Variants in FOCAD observed in about 807,000 individuals in gnomAD.
The protein encoded by FOCAD is focadhesin.
A neutral mutation model predicts 225.6 loss-of-function variants in FOCAD; 198 were observed. The ratio of observed to expected loss-of-function variants is 0.88; its 90% CI spans 0.78 to 0.99. The LOEUF is 0.99. Among genes scored for constraint, FOCAD ranks in the 50% least tolerant of loss-of-function variants. The pLI is 0.00. For missense variants in FOCAD, 2,713 were observed against 2,123.6 expected, an observed-to-expected ratio of 1.28 and a Z score of -5.46; for synonymous variants, 897 against 755.0, an observed-to-expected ratio of 1.19 and a Z score of -3.08.
chr9:20,742,537 T>C (rs1005102247), intron 5 of FOCAD, among the ~76,000 whole-genome samples: 3 of 152,198 alleles, frequency 2.0e-5, no homozygotes, highest in African/African-American at 7.2e-5. Flanking sequence ...TTGGACTCCA[T>C]CTAAGAGTGC....
At chr9:20,902,688 A>G (rs1832655696) in intron 21 of FOCAD, among the ~76,000 whole-genome samples, 1 of 151,948 alleles carries the variant, frequency 6.6e-6, no homozygotes, top group Admixed American at 6.6e-5. Flanking sequence ...AGATAGGACT[A>G]AACCAATAAA....
chr9:20,826,337 C>T (rs1824887639), intron 15 of FOCAD, among the ~76,000 whole-genome samples: 1 of 152,038 alleles, frequency 6.6e-6, no homozygotes, highest in African/African-American at 2.4e-5. Flanking sequence ...CATCTTTCTC[C>T]CATGCTGGAT....
At chr9:20,815,144 T>G (rs1187257692) in intron 11 of FOCAD, among the ~76,000 whole-genome samples, 1 of 124,962 alleles carries the variant, frequency 8.0e-6, no homozygotes, top group Non-Finnish European at 1.7e-5. Flanking sequence ...TTTGTTTTTT[T>G]TTTTTTTTTT....
At chr9:20,886,229 T>G (rs1831092795) in intron 21 of FOCAD, among the ~76,000 whole-genome samples, 1 of 151,950 alleles carries the variant, frequency 6.6e-6, no homozygotes, top group Non-Finnish European at 1.5e-5. Flanking sequence ...TTTTTTTGCC[T>G]AATATAGTGT....
At chr9:20,737,091 C>T (rs1032719175) in intron 4 of FOCAD, among the ~76,000 whole-genome samples, 13 of 152,128 alleles carry the variant, frequency 8.5e-5, no homozygotes, top group African/African-American at 3.1e-4. Context: ...ATGCTACACT[C>T]TTGCTGAAAA....
intron 21 of FOCAD, among the ~76,000 whole-genome samples, chr9:20,885,778 GA>G (rs1282112471): frequency 1.3e-5 from 2 of 152,124 alleles, no homozygotes; most frequent in Non-Finnish European, 2.9e-5. Flanking sequence ...AGGGAAGCTG[GA>G]AAGTCCTTGG....
chr9:20,679,650 T>G (rs954864505), upstream of FOCAD, among the ~76,000 whole-genome samples: 3 of 152,216 alleles, frequency 2.0e-5, no homozygotes, highest in African/African-American at 7.2e-5. Context: ...CTAAAGGGTC[T>G]TATACAATAG....
intron 15 of FOCAD, among the ~76,000 whole-genome samples, chr9:20,859,516 A>G (rs1306811284): frequency 6.6e-6 from 1 of 150,994 alleles, no homozygotes; most frequent in Non-Finnish European, 1.5e-5. Context: ...ATGTATTTAG[A>G]TATAAGCTTA....
intron 2 of FOCAD, among the ~76,000 whole-genome samples, chr9:20,666,769 T>C (rs775511839): frequency 6.6e-4 from 100 of 152,292 alleles, no homozygotes; most frequent in Middle Eastern, 3.4e-3. Context: ...ACAATACTGA[T>C]GTTGGAGGTG....
intron 37 of FOCAD, among the ~76,000 whole-genome samples, chr9:20,980,231 TTTA>T (rs1342524944): frequency 6.6e-6 from 1 of 152,068 alleles, no homozygotes; most frequent in Non-Finnish European, 1.5e-5. Flanking sequence ...AGAGATACAT[TTTA>T]TTATTTCCAT....
Position 20,781,786 on chromosome 9 carries a change from G to C in FOCAD, c.1054G>C (p.Val352Leu), listed in dbSNP as rs1343601095. ...QKIPKSSLLL[V>L]MPILQILSST... ...AATCCCAAAGTCCTCTCTGCTGCTA[G>C]TGATGCCAATTCTGCAGATACTATC... The change falls in exon 10 of 44, where the codon GTG (valine) becomes CTG (leucine). Residue 352 changes from valine to leucine, a missense_variant. Transcript: ENST00000338382. 2 of 1,613,988 alleles carry C rather than the reference G, an allele frequency of 1.2e-6. No homozygotes were observed. Among genetic ancestry groups the C allele is most frequent in the African/African-American group, 1.3e-5 (1 of 74,912 alleles).
At chr9:20,930,495 G>T (rs1427539193) in intron 27 of FOCAD, among the ~76,000 whole-genome samples, 2 of 152,158 alleles carry the variant, frequency 1.3e-5, no homozygotes, top group African/African-American at 2.4e-5. Context: ...TAAATTCCTG[G>T]TTGGCAGAAA....
At position 20,908,411 on chromosome 9, in the gene FOCAD, C is replaced by T. The variant is rs977022779; in HGVS notation, c.2718+1169C>T. Among the ~76,000 whole-genome samples the T allele has an allele frequency of 3.3e-5, 5 of 152,038 alleles. 1 individual carries two copies. Among genetic ancestry groups the T allele is most frequent in the Admixed American group, 2.6e-4 (4 of 15,242 alleles). ...ACAACCCATCTTACAGATCTTAGAA[C>T]TCGTAAAACACTAATGTATCTTCAG... On this transcript the variant is annotated intron_variant, in intron 22 of 43. Coordinates refer to ENST00000338382, the MANE Select transcript of FOCAD (RefSeq NM_001375567.1).
chr9:20,759,958 G>A (rs554253989), intron 6 of FOCAD, among the ~76,000 whole-genome samples: 1 of 152,292 alleles, frequency 6.6e-6, no homozygotes, highest in Non-Finnish European at 1.5e-5. Flanking sequence ...TGTGCAGTTA[G>A]TGTACTTTCA....
At chr9:20,761,618 C>T (rs887597433) in intron 6 of FOCAD, among the ~76,000 whole-genome samples, 4 of 152,028 alleles carry the variant, frequency 2.6e-5, no homozygotes, top group Non-Finnish European at 5.9e-5. Flanking sequence ...GATGAGGTTT[C>T]ACTGTGTTAG....
chr9:20,785,673 T>C (rs1298111593), intron 10 of FOCAD, among the ~76,000 whole-genome samples: 1 of 152,232 alleles, frequency 6.6e-6, no homozygotes, highest in Non-Finnish European at 1.5e-5. Flanking sequence ...TGACGAACTT[T>C]TGGCTCTTTC....
At chr9:20,839,038 T>C (rs942295700) in intron 15 of FOCAD, among the ~76,000 whole-genome samples, 1 of 152,066 alleles carries the variant, frequency 6.6e-6, no homozygotes, top group African/African-American at 2.4e-5. Flanking sequence ...ACAATAAAGA[T>C]TGGTTGTAGC....
chr9:20,761,326 TC>T, intron 6 of FOCAD, among the ~76,000 whole-genome samples: 2 of 152,318 alleles, frequency 1.3e-5, no homozygotes, highest in East Asian at 3.9e-4. Context: ...ACATAATTTT[TC>T]AGATGAGAGA....
intron 5 of FOCAD, among the ~76,000 whole-genome samples, chr9:20,743,094 C>G (rs1827762552): frequency 6.6e-6 from 1 of 152,148 alleles, no homozygotes; most frequent in South Asian, 2.1e-4. Flanking sequence ...GCTATGATTA[C>G]CTGAGTCAAT....
Sources: gnomAD v4.1 joint callset for allele counts (sites outside exome capture counted in the v4.1 genomes callset) on GRCh38, gnomAD v4.1.1 for gene constraint, MANE v1.5 for transcripts, NCBI Gene and HGNC (gene_info 2026-07-23, HGNC 2026-07-21) for gene names.